Variants in ZNF260 observed in about 807,000 individuals in gnomAD.
ZNF260 encodes zinc finger protein 260.
ZNF260 carries 21 observed loss-of-function variants against 29.3 expected under a neutral mutation model. The observed-to-expected ratio is 0.72, with a 90% confidence interval of 0.51 to 1.03. The LOEUF (loss-of-function observed/expected upper bound fraction) is 1.03, where lower values mean the gene tolerates loss of function less well. Among genes scored for constraint, ZNF260 ranks in the 50% least tolerant of loss-of-function variants. The pLI is 0.00. For missense variants in ZNF260, 465 were observed against 487.8 expected, an observed-to-expected ratio of 0.95 and a Z score of 0.44; for synonymous variants, 156 against 156.8, an observed-to-expected ratio of 0.99 and a Z score of 0.04.
intron 2 of ZNF260, among the ~76,000 whole-genome samples, chr19:36,519,462 C>T (rs923639140): frequency 3.3e-5 from 5 of 152,064 alleles, no homozygotes; most frequent in Admixed American, 6.6e-5. Flanking sequence ...TTTCAGAACC[C>T]CGTTAGTAAC....
In ZNF260 at chr19:36,513,718, G is replaced by T; in HGVS notation, c.*282C>A. ...TATCTATTTCTTAATGCATCTGTAG[G>T]CCTTCCAGGAACACATTAAGTAGTG... On this transcript the variant is annotated 3_prime_UTR_variant, in exon 3 of 3. Transcript: ENST00000523638. The T allele has an allele frequency of 2.2e-6, 1 of 445,944 alleles. No individual in the cohort carries two copies. Among genetic ancestry groups the T allele is most frequent in the Non-Finnish European group, 4.0e-6 (1 of 252,412 alleles). The allele number at this position is 445,944 out of a possible 1,614,324, so 27.6% of individuals were successfully genotyped here. A position where few individuals can be genotyped will look rare whatever the true frequency, so the allele number is the denominator to read the frequency against.
Position 36,523,713 on chromosome 19 carries a change from G to C in ZNF260, c.-462+1442C>G, listed in dbSNP as rs138884819. On this transcript the variant is annotated intron_variant, in intron 2 of 2. Transcript: ENST00000523638. ...CTGCCTCAGGCTCCTGAGTAGCTGG[G>C]ATTACAGGCGTGTGCCACCTCGCCA... Among the ~76,000 whole-genome samples the C allele has an allele frequency of 5.4e-3, 817 of 151,688 alleles. 3 individuals carry two copies. Among genetic ancestry groups the C allele is most frequent in the Middle Eastern group, 0.01 (3 of 294 alleles).
intron 2 of ZNF260, among the ~76,000 whole-genome samples, chr19:36,516,953 T>C (rs187511461): frequency 8.6e-4 from 131 of 152,234 alleles, no homozygotes; most frequent in Non-Finnish European, 1.5e-3. Flanking sequence ...TGGGAGTGCA[T>C]AGGAAGACAG....
At position 36,525,388 on chromosome 19, in the gene ZNF260, A is replaced by G. The variant is rs1053487754; in HGVS notation, c.-680-15T>C. ...AGGAAGCAGGCCTGTGAAAAAGAAC[A>G]AAGTAATGATGATTCTTTGGCTTTG... On this transcript the variant is annotated splice_polypyrimidine_tract_variant and intron_variant, in intron 1 of 2. Coordinates refer to ENST00000523638, the MANE Select transcript of ZNF260 (RefSeq NM_001166037.2). 1.3e-5 allele frequency: 2 copies of G among 152,270 alleles called. No homozygotes were observed. The highest frequency in any genetic ancestry group is 4.8e-5 in the African/African-American group (2 of 41,466). 9.4% of individuals were successfully genotyped at this position (152,270 alleles called of 1,614,324 possible). A position where few individuals can be genotyped will look rare whatever the true frequency, so the allele number is the denominator to read the frequency against.
intron 2 of ZNF260, among the ~76,000 whole-genome samples, chr19:36,524,859 A>AT (rs1419358365): frequency 1.3e-5 from 2 of 152,180 alleles, no homozygotes; most frequent in African/African-American, 4.8e-5. Context: ...CTGTAAAAAA[A>AT]TCATAAAATT....
rs1205647445 is a variant in ZNF260 at position 36,512,600 on chromosome 19, T to C, written c.*1400A>G. 6.6e-6 allele frequency: 1 copy of C among 151,158 alleles called. No individual in the cohort carries two copies. Among genetic ancestry groups the C allele is most frequent in the African/African-American group, 2.4e-5 (1 of 40,948 alleles). The allele number at this position is 151,158 out of a possible 1,614,324, so 9.4% of individuals were successfully genotyped here. On this transcript the variant is annotated 3_prime_UTR_variant, in exon 3 of 3. Transcript: ENST00000523638. ...CCATTCTTTAGTTTTACATAATTTA[T>C]CCATAACCAATTCTTAGTACTAGGG...
intron 2 of ZNF260, among the ~76,000 whole-genome samples, chr19:36,523,704 A>G (rs2034682680): frequency 6.6e-6 from 1 of 150,456 alleles, no homozygotes; most frequent in Non-Finnish European, 1.5e-5. Flanking sequence ...CAGGCTCCTG[A>G]GTAGCTGGGA....
Position 36,513,013 on chromosome 19 carries a change from T to A in ZNF260, c.*987A>T, listed in dbSNP as rs1024189995. ...AATAGTTGAGAACAGTACAATAAGG[T>A]ATTCTGAGAGAAAGATCATATTCAC... is the stretch of plus-strand genomic sequence containing the variant. On this transcript the variant is annotated 3_prime_UTR_variant, in exon 3 of 3. Transcript: ENST00000523638. 2 of 152,192 alleles carry A rather than the reference T, an allele frequency of 1.3e-5. No individual in the cohort carries two copies. Among genetic ancestry groups the A allele is most frequent in the African/African-American group, 4.8e-5 (2 of 41,458 alleles). 9.4% of individuals were successfully genotyped at this position (152,192 alleles called of 1,614,324 possible). A position where few individuals can be genotyped will look rare whatever the true frequency, so the allele number is the denominator to read the frequency against.
chr19:36,520,755 G>A (rs1291320892), intron 2 of ZNF260, among the ~76,000 whole-genome samples: 3 of 151,684 alleles, frequency 2.0e-5, no homozygotes, highest in Non-Finnish European at 4.4e-5. Context: ...AGCTACTCTG[G>A]AGGCTGAGGC....
At chr19:36,520,821 C>T (rs2034632410) in intron 2 of ZNF260, among the ~76,000 whole-genome samples, 1 of 147,574 alleles carries the variant, frequency 6.8e-6, no homozygotes, top group East Asian at 2.0e-4. Context: ...GATCGCCCCA[C>T]TGCACCCCAG....
rs555427110 is a variant in ZNF260 at position 36,518,501 on chromosome 19, G to A, written c.-461-2802C>T. On this transcript the variant is annotated intron_variant, in intron 2 of 2. Transcript: ENST00000523638. ...ATATGAAATTGATCTTAAAAATTCA[G>A]TATGTTGGGGAAAGAAAGTCTAGAA... is the stretch of plus-strand genomic sequence containing the variant. 8.2e-4 allele frequency among the ~76,000 whole-genome samples: 125 copies of A among 152,218 alleles called. 1 individual carries two copies. Among genetic ancestry groups the A allele is most frequent in the Non-Finnish European group, 1.1e-3 (73 of 68,012 alleles).
At chr19:36,521,491 G>A (rs896194382) in intron 2 of ZNF260, among the ~76,000 whole-genome samples, 5 of 152,200 alleles carry the variant, frequency 3.3e-5, no homozygotes, top group South Asian at 2.1e-4. Flanking sequence ...AGTGGCACAC[G>A]CCTGTAATCC....
In ZNF260 at chr19:36,515,497, T is replaced by C; in HGVS notation, c.-259A>G. 3 of 324,392 alleles carry C rather than the reference T, an allele frequency of 9.2e-6. No individual in the cohort carries two copies. Among genetic ancestry groups the C allele is most frequent in the Non-Finnish European group, 1.8e-5 (3 of 169,376 alleles). 20.1% of individuals were successfully genotyped at this position (324,392 alleles called of 1,614,324 possible). ...AGCTTCTCCCATATTTAGGTATAGA[T>C]TGTATATAAATTAGGTTTCAAATTC... On this transcript the variant is annotated 5_prime_UTR_variant, in exon 3 of 3. Coordinates refer to ENST00000523638, the MANE Select transcript of ZNF260 (RefSeq NM_001166037.2).
chr19:36,516,397 A>C (rs961391723), intron 2 of ZNF260, among the ~76,000 whole-genome samples: 3 of 152,060 alleles, frequency 2.0e-5, no homozygotes, highest in Admixed American at 2.0e-4. Context: ...GGAGTTTGAG[A>C]GCAGCCTTGG....
chr19:36,513,961 C>A lies in ZNF260; in HGVS notation c.*39G>T, dbSNP rs908134044. ...AATACACTATTAAGTGTAAAATCTG[C>A]TGAACGTTTTGCTAAATCCAAGGCA... On this transcript the variant is annotated 3_prime_UTR_variant, in exon 3 of 3. Transcript: ENST00000523638. 8 of 1,575,190 alleles carry A rather than the reference C, an allele frequency of 5.1e-6. No homozygotes were observed. The highest frequency in any genetic ancestry group is 6.9e-6 in the Non-Finnish European group (8 of 1,158,940).
At chr19:36,520,642 GGAGATC>G in intron 2 of ZNF260, among the ~76,000 whole-genome samples, 1 of 152,118 alleles carries the variant, frequency 6.6e-6, no homozygotes, top group South Asian at 2.1e-4. Flanking sequence ...CACAAGGTCA[GGAGATC>G]GAGACCACTC....
At chr19:36,522,258 G>A (rs1020952141) in intron 2 of ZNF260, among the ~76,000 whole-genome samples, 8 of 151,616 alleles carry the variant, frequency 5.3e-5, no homozygotes, top group African/African-American at 1.9e-4. Context: ...AGTTCGAGAC[G>A]AGACTGGCCA....
intron 2 of ZNF260, among the ~76,000 whole-genome samples, chr19:36,516,693 C>T (rs1293045348): frequency 1.3e-5 from 2 of 152,198 alleles, no homozygotes; most frequent in Non-Finnish European, 1.5e-5. Context: ...ATTCTCCTGC[C>T]TCAGCTTACT....
At chr19:36,522,424 C>T (rs528748637) in intron 2 of ZNF260, among the ~76,000 whole-genome samples, 3 of 152,146 alleles carry the variant, frequency 2.0e-5, no homozygotes, top group African/African-American at 4.8e-5. Flanking sequence ...CCATTGCACT[C>T]TGGCCTAGGC....
Sources: gnomAD v4.1 joint callset for allele counts (sites outside exome capture counted in the v4.1 genomes callset) on GRCh38, gnomAD v4.1.1 for gene constraint, MANE v1.5 for transcripts, NCBI Gene and HGNC (gene_info 2026-07-23, HGNC 2026-07-21) for gene names.